The following HSD17B13 variants were observed in gnomAD, a reference collection of about 807,000 sequenced individuals.
HSD17B13 encodes the protein hydroxysteroid 17-beta dehydrogenase 13, also known as 17-beta-hydroxysteroid dehydrogenase 13.
Under a neutral mutation model 31.1 loss-of-function variants are expected in HSD17B13, and 26 were observed. The ratio of observed to expected loss-of-function variants is 0.84; its 90% confidence interval spans 0.61 to 1.16. HSD17B13 has a LOEUF of 1.16. Among genes scored for constraint, HSD17B13 ranks in the 50% most tolerant of loss-of-function variants. The pLI, the probability that HSD17B13 is intolerant of heterozygous loss-of-function variation, is 0.00. For synonymous variants in HSD17B13, 141 were observed against 133.7 expected (o/e 1.05, Z -0.38); for missense variants, 374 against 366.5 (o/e 1.02, Z -0.17).
chr4:87,310,185 A>AT, intron 6 of HSD17B13, 58 bp downstream of exon 6: 1 of 1,325,038 alleles, frequency 7.5e-7, no homozygotes, highest in Non-Finnish European at 9.8e-7. Flanking sequence ...AAAAAAAAAA[A>AT]GCAAAAAAAA....
intron 6 of HSD17B13, among the ~76,000 whole-genome samples, chr4:87,309,847 T>G (rs999517690): frequency 6.6e-6 from 1 of 152,074 alleles, no homozygotes; most frequent in African/African-American, 2.4e-5. Context: ...TTTTCACAAC[T>G]GAAAGATGCT....
intron 1 of HSD17B13, 89 bp from the exon 2 acceptor site, chr4:87,318,525 CGCGGTG>C: frequency 3.8e-6 from 4 of 1,060,076 alleles, no homozygotes. Context: ...TTCGGCTAGG[CGCGGTG>C]GCTCACGCCT....
At chr4:87,312,668 T>C (rs1020455715) in intron 5 of HSD17B13, among the ~76,000 whole-genome samples, 5 of 151,240 alleles carry the variant, frequency 3.3e-5, no homozygotes, top group Non-Finnish European at 7.4e-5. Flanking sequence ...CAGCTGGGAC[T>C]ACAGGCGCCC....
chr4:87,320,459 T>C (rs979437650), intron 1 of HSD17B13, among the ~76,000 whole-genome samples: 3 of 140,432 alleles, frequency 2.1e-5, no homozygotes. Context: ...TCATCTCGGC[T>C]CACTGCAAGC....
In HSD17B13 at chr4:87,318,626, C is replaced by T. The variant is rs191961438; in HGVS notation, c.211-190G>A. ...CAGCCTGGCCAACATGGTGAAACCC[C>T]GTCTCTACTAAAAATACAAAAATTA... is the stretch of plus-strand genomic sequence containing the variant. On this transcript the variant is annotated intron_variant, in intron 1 of 6. Coordinates refer to ENST00000328546, the MANE Select transcript of HSD17B13 (RefSeq NM_178135.5). Among the ~76,000 whole-genome samples, 7 of 150,764 alleles carry T rather than the reference C, an allele frequency of 4.6e-5. No homozygotes were observed. The East Asian group carries it at 5.9e-4, about 13-fold the overall frequency.
chr4:87,318,271 A>G, intron 2 of HSD17B13, 58 bp downstream of exon 2: 2 of 1,294,314 alleles, frequency 1.5e-6, no homozygotes, highest in Non-Finnish European at 2.2e-6. Context: ...CTCATTTTCC[A>G]CGTCAGCGTC....
chr4:87,317,296 A>G (rs6531975), intron 2 of HSD17B13, 73 bp from the exon 3 acceptor site: 1,183,996 of 1,459,822 alleles, frequency 0.81, 482,580 homozygotes, highest in African/African-American at 0.94. Flanking sequence ...ATATAATCCA[A>G]AGATGAGAGT....
intron 1 of HSD17B13, among the ~76,000 whole-genome samples, chr4:87,321,296 G>T (rs1207851458): frequency 6.6e-6 from 1 of 152,122 alleles, no homozygotes; most frequent in Non-Finnish European, 1.5e-5. Flanking sequence ...CTCCCAAAGT[G>T]CTGGGATTAC....
At chr4:87,314,838 A>C (rs537513871) in intron 4 of HSD17B13, among the ~76,000 whole-genome samples, 7 of 152,354 alleles carry the variant, frequency 4.6e-5, no homozygotes, top group African/African-American at 1.4e-4. Flanking sequence ...CAATGGAAAC[A>C]TGCTTGGCAT....
chr4:87,311,401 C>T (rs1578438568), intron 5 of HSD17B13, among the ~76,000 whole-genome samples: 1 of 152,132 alleles, frequency 6.6e-6, no homozygotes, highest in South Asian at 2.1e-4. Flanking sequence ...TCTAAGAACC[C>T]TCTCTTGGGG....
At position 87,315,615 on chromosome 4, in the gene HSD17B13, A is replaced by C. The variant is rs1734635750; in HGVS notation, c.451-16T>G. ...CTTTTGTGATCTTAAGGATCATTGC[A>C]GAAAGAAGAAAGACAATGACATAGA... is the stretch of plus-strand genomic sequence containing the variant. On this transcript the variant is annotated splice_polypyrimidine_tract_variant and intron_variant, in intron 3 of 6. Coordinates refer to ENST00000328546, the MANE Select transcript of HSD17B13 (RefSeq NM_178135.5). 8 of 1,483,078 alleles carry C rather than the reference A, an allele frequency of 5.4e-6. 2 individuals carry two copies. In the South Asian group the frequency reaches 8.2e-5, roughly 15 times the overall value. 91.9% of individuals were successfully genotyped at this position (1,483,078 alleles called of 1,614,324 possible). A position where few individuals can be genotyped will look rare whatever the true frequency, so the allele number is the denominator to read the frequency against.
At chr4:87,314,641 T>TCTCTCTCACACACA (rs373166006) in intron 4 of HSD17B13, among the ~76,000 whole-genome samples, 35 of 142,140 alleles carry the variant, frequency 2.5e-4, no homozygotes, top group African/African-American at 8.9e-4. Context: ...TCTCTCTCTC[T>TCTCTCTCACACACA]CACACACACA....
intron 5 of HSD17B13, 71 bp from the exon 6 acceptor site, chr4:87,310,430 G>A: frequency 2.4e-6 from 3 of 1,256,824 alleles, no homozygotes; most frequent in Non-Finnish European, 3.0e-6. Flanking sequence ...ATGATGGCAG[G>A]AAAATTATCC....
At chr4:87,306,862 A>C (rs1450906142) in intron 6 of HSD17B13, among the ~76,000 whole-genome samples, 1 of 147,316 alleles carries the variant, frequency 6.8e-6, no homozygotes, top group Non-Finnish European at 1.5e-5. Flanking sequence ...AGCTGAGATC[A>C]AGCCACTGCA....
rs1390900187 is a variant in HSD17B13 at position 87,318,420 on chromosome 4, GT to G, written c.226del (p.Thr76LeufsTer8). ...WDINKRGVEE[T>X]AAECRKLGVT... is the part of the protein sequence containing the mutation. ...GCCTAGTTTTCGGCACTCAGCTGCA[GT>G]TTCCTCCACACCGCGCTGTAATTAG... On this transcript the variant is annotated frameshift_variant, in exon 2 of 7. Transcript: ENST00000328546. LOFTEE classifies it high-confidence loss of function. The G allele has an allele frequency of 1.2e-6, 2 of 1,614,052 alleles. No homozygotes were observed. The highest frequency in any genetic ancestry group is 4.5e-5 in the East Asian group (2 of 44,886).
At position 87,322,741 on chromosome 4, in the gene HSD17B13, A is replaced by G. The variant is rs778576595; in HGVS notation, c.101T>C (p.Val34Ala). 1.9e-6 allele frequency: 3 copies of G among 1,614,010 alleles called. No individual in the cohort carries two copies. The highest frequency in any genetic ancestry group is 1.1e-5 in the South Asian group (1 of 91,086). ...AGTAATGAGAACAATCTCCCCAGCC[A>G]CAGATTTTCTCCTCTGAGGAATGAA... Reference protein sequence around the residue: ...KFFIPQRRKSVAGEIVLITGA... With the variant: ...KFFIPQRRKSAAGEIVLITGA... The change falls in exon 1 of 7, where the codon GTG (valine) becomes GCG (alanine). Residue 34 changes from valine to alanine, a missense_variant. Physicochemically the swap from Val to Ala is moderately conservative, Grantham distance 64. Transcript: ENST00000328546.
intron 6 of HSD17B13, among the ~76,000 whole-genome samples, chr4:87,305,808 T>C (rs1367862941): frequency 6.6e-6 from 1 of 152,184 alleles, no homozygotes; most frequent in East Asian, 1.9e-4. Flanking sequence ...TTATTAGAAG[T>C]CAGCCCAATT....
intron 6 of HSD17B13, 48 bp downstream of exon 6, chr4:87,310,195 A>AAG: frequency 6.7e-7 from 1 of 1,484,930 alleles, no homozygotes; most frequent in Non-Finnish European, 8.9e-7. Flanking sequence ...AGCAAAAAAA[A>AAG]AAGCTCTATT....
At chr4:87,307,322 G>A (rs1346481753) in intron 6 of HSD17B13, among the ~76,000 whole-genome samples, 3 of 151,954 alleles carry the variant, frequency 2.0e-5, no homozygotes, top group Non-Finnish European at 4.4e-5. Flanking sequence ...TATTTTACTG[G>A]GATACTATTC....
Sources: gnomAD v4.1 joint callset for allele counts (sites outside exome capture counted in the v4.1 genomes callset) on GRCh38, gnomAD v4.1.1 for gene constraint, MANE v1.5 for transcripts, NCBI Gene and HGNC (gene_info 2026-07-23, HGNC 2026-07-21) for gene names.